The following CLU variants were observed in gnomAD, a reference collection of about 807,000 sequenced individuals.
CLU encodes aging-associated protein 4.
In CLU, 25 loss-of-function variants were observed where a neutral mutation model predicts 46.4. The observed-to-expected ratio is 0.54, with a 90% CI of 0.39 to 0.75. The LOEUF (loss-of-function observed/expected upper bound fraction) is 0.75, where lower values mean the gene tolerates loss of function less well. Ranked by LOEUF, CLU falls within the 30% of genes least tolerant of loss-of-function variation. The pLI is 0.00. For missense variants in CLU, 504 were observed against 592.1 expected (o/e 0.85, Z 1.54); for synonymous variants, 235 against 235.1 (o/e 1.00, Z 0.00).
At chr8:27,601,057 CT>C (rs200637156) in intron 6 of CLU, among the ~76,000 whole-genome samples, 2 of 151,874 alleles carry the variant, frequency 1.3e-5, no homozygotes, top group Non-Finnish European at 2.9e-5. Context: ...CCAAGCTTGT[CT>C]TTTTTTTGAG....
intron 3 of CLU, chr8:27,608,616 G>C (rs1800863101): frequency 3.9e-6 from 2 of 516,200 alleles, no homozygotes; most frequent in South Asian, 2.1e-5. Flanking sequence ...CGCCACGCCT[G>C]TCTGGGCCCC....
intron 3 of CLU, among the ~76,000 whole-genome samples, chr8:27,607,952 T>A (rs1800851649): frequency 6.6e-6 from 1 of 152,156 alleles, no homozygotes; most frequent in Non-Finnish European, 1.5e-5. Flanking sequence ...CAAATGTATG[T>A]GATGTGCTTT....
Position 27,599,702 on chromosome 8 carries a change from G to T in CLU, c.1164+78C>A. The T allele has an allele frequency of 8.9e-7, 1 of 1,125,112 alleles. No individual in the cohort carries two copies. The highest frequency in any genetic ancestry group is 1.3e-6 in the Non-Finnish European group (1 of 758,872). 69.7% of individuals were successfully genotyped at this position (1,125,112 alleles called of 1,614,324 possible). On this transcript the variant is annotated intron_variant, in intron 7 of 8. Coordinates refer to ENST00000316403, the MANE Select transcript of CLU (RefSeq NM_001831.4). This position sits in a 1 kb window ranked among gnomAD's most constrained non-coding sequence, Gnocchi z 4.0. ...TTTTCTGCCGTGTGATAAATGCTCA[G>T]TCAAAAGCACACATGCCCCTGCTCC...
intron 1 of CLU, among the ~76,000 whole-genome samples, chr8:27,613,260 G>A (rs1447491981): frequency 2.6e-5 from 4 of 152,028 alleles, no homozygotes; most frequent in African/African-American, 7.2e-5. Flanking sequence ...AGCAGCATGC[G>A]CCTGTAGTCC....
intron 6 of CLU, 54 bp from the exon 7 acceptor site, chr8:27,600,063 G>A (rs1298079133): frequency 7.3e-7 from 1 of 1,370,582 alleles, no homozygotes; most frequent in Admixed American, 1.7e-5. Flanking sequence ...AGGCTACAAA[G>A]GGATAGAACC....
In CLU at chr8:27,604,281, C is replaced by T. The variant is rs753127553; in HGVS notation, c.934+10G>A. 6.2e-7 allele frequency: 1 copy of T among 1,611,184 alleles called. No homozygotes were observed. Among genetic ancestry groups the T allele is most frequent in the Non-Finnish European group, 8.5e-7 (1 of 1,177,648 alleles). ...AGGGGGGACGGCTTGTGGTCTGGAC[C>T]CCGACTCACCCACAGACAAGATCTC... On this transcript the variant is annotated intron_variant, in intron 6 of 8. Coordinates refer to ENST00000316403, the MANE Select transcript of CLU (RefSeq NM_001831.4).
At position 27,598,501 on chromosome 8, in the gene CLU, G is replaced by A. The variant is rs776115794; in HGVS notation, c.1299C>T (p.Thr433=). The change falls in exon 8 of 9, where the codon ACC becomes ACT. Residue 433 remains threonine, a synonymous_variant. Transcript: ENST00000316403. The part of the protein sequence containing the change: ...VSRKNPKFME[T]VAEKALQEYR... ...ATTCCTGCAGCGCTTTCTCCGCCAC[G>A]GTCTCCATAAATTTAGGGTTCTTCC... is the stretch of plus-strand genomic sequence containing the variant. The A allele has an allele frequency of 2.7e-5, 44 of 1,613,934 alleles. No individual in the cohort carries two copies. Among genetic ancestry groups the A allele is most frequent in the Non-Finnish European group, 3.1e-5 (37 of 1,180,018 alleles).
intron 2 of CLU, among the ~76,000 whole-genome samples, chr8:27,609,395 GA>G (rs11449170): frequency 1.0e-4 from 15 of 148,886 alleles, no homozygotes; most frequent in South Asian, 2.1e-4. Context: ...ACTTGGCAAG[GA>G]AAAAAAAAAA....
chr8:27,601,994 G>A (rs1289007108), intron 6 of CLU, among the ~76,000 whole-genome samples: 4 of 152,266 alleles, frequency 2.6e-5, no homozygotes, highest in African/African-American at 9.6e-5. Context: ...AGGAGGCTGG[G>A]GCAGGAGAAT....
intron 6 of CLU, 41 bp downstream of exon 6, chr8:27,604,250 G>A (rs1800772375): frequency 6.6e-7 from 1 of 1,506,768 alleles, no homozygotes. Context: ...CAGGACACAA[G>A]GGATCAGGGG....
chr8:27,606,333 A>G (rs750155999), intron 4 of CLU, 21 bp downstream of exon 4: 2 of 1,613,238 alleles, frequency 1.2e-6, no homozygotes, highest in African/African-American at 1.3e-5. Context: ...AGCCTTGGCC[A>G]CTCATGTGTC....
At chr8:27,612,998 G>T (rs954072952) in intron 1 of CLU, among the ~76,000 whole-genome samples, 4 of 151,112 alleles carry the variant, frequency 2.6e-5, no homozygotes, top group Admixed American at 2.6e-4. Flanking sequence ...GCAGACTTTG[G>T]GAGCAACTCC....
At chr8:27,602,667 C>T (rs934897530) in intron 6 of CLU, among the ~76,000 whole-genome samples, 2 of 151,690 alleles carry the variant, frequency 1.3e-5, no homozygotes, top group East Asian at 1.9e-4. Context: ...CCAGGCAGTA[C>T]GTGCTTATAT....
intron 2 of CLU, among the ~76,000 whole-genome samples, chr8:27,609,591 G>A (rs1483513646): frequency 1.3e-5 from 2 of 152,214 alleles, no homozygotes; most frequent in East Asian, 3.8e-4. Context: ...GCGAAACACT[G>A]TGTCACCTAA....
chr8:27,597,922 G>A lies in CLU; in HGVS notation c.*319C>T, dbSNP rs749086793. 2.8e-4 allele frequency: 168 copies of A among 593,210 alleles called. No individual in the cohort carries two copies. The highest frequency in any genetic ancestry group is 2.2e-3 in the African/African-American group (122 of 54,458). 36.7% of individuals were successfully genotyped at this position (593,210 alleles called of 1,614,324 possible). A position where few individuals can be genotyped will look rare whatever the true frequency, so the allele number is the denominator to read the frequency against. On this transcript the variant is annotated 3_prime_UTR_variant, in exon 9 of 9. Transcript: ENST00000316403. ...TTTCTACTTATTTTCCATCCCCCCT[G>A]CCTGCCCCCCATAGCAAAATGAAGG...
At chr8:27,609,694 C>A (rs780458148) in intron 2 of CLU, among the ~76,000 whole-genome samples, 1 of 152,166 alleles carries the variant, frequency 6.6e-6, no homozygotes, top group African/African-American at 2.4e-5. Flanking sequence ...GCCGTGCCCA[C>A]TTCGCAGAGG....
At chr8:27,607,686 A>G (rs1319724094) in intron 3 of CLU, among the ~76,000 whole-genome samples, 1 of 152,114 alleles carries the variant, frequency 6.6e-6, no homozygotes, top group Non-Finnish European at 1.5e-5. Context: ...AGGATTATGG[A>G]AAAACTTTTC....
rs1800903009 is a variant in CLU at position 27,610,469 on chromosome 8, A to T, written c.97+6T>A. Reference sequence around the variant, plus strand: ...GCCAGAGGAACATCATGCTTGGTCTACTCACCCTGGAGCTCATTGTCTGAG... The same window carrying T: ...GCCAGAGGAACATCATGCTTGGTCTTCTCACCCTGGAGCTCATTGTCTGAG... On this transcript the variant is annotated splice_donor_region_variant and intron_variant, in intron 2 of 8. Transcript: ENST00000316403. 6.2e-7 allele frequency: 1 copy of T among 1,610,806 alleles called. No individual in the cohort carries two copies. Among genetic ancestry groups the T allele is most frequent in the African/African-American group, 1.3e-5 (1 of 74,770 alleles).
rs1563382627 is a variant in CLU at position 27,598,217 on chromosome 8, A to G, written c.*24T>C. On this transcript the variant is annotated 3_prime_UTR_variant, in exon 9 of 9. Transcript: ENST00000316403. ...GGGAGCTGGACTCAGATGCCCCCGT[A>G]GGTGCAAAAGCAACATCCACATCTC... 2 of 1,613,170 alleles carry G rather than the reference A, an allele frequency of 1.2e-6. No individual in the cohort carries two copies. Among genetic ancestry groups the G allele is most frequent in the Non-Finnish European group, 1.7e-6 (2 of 1,179,324 alleles).
Sources: allele counts gnomAD v4.1 joint callset (sites outside exome capture counted in the v4.1 genomes callset), GRCh38; gene constraint gnomAD v4.1.1; non-coding constraint Gnocchi (gnomAD v3.1); transcripts MANE v1.5; gene names NCBI Gene and HGNC (gene_info 2026-07-23, HGNC 2026-07-21).